The following TFCP2L1 variants were observed in gnomAD, a reference collection of about 807,000 sequenced individuals.
TFCP2L1 encodes the protein transcription factor CP2-like protein 1.
A neutral mutation model predicts 72.2 loss-of-function variants in TFCP2L1; 12 were observed. The ratio of observed to expected loss-of-function variants is 0.17; its 90% CI spans 0.11 to 0.27. The LOEUF (loss-of-function observed/expected upper bound fraction) is 0.27. Among genes scored for constraint, TFCP2L1 ranks in the 10% least tolerant of loss-of-function variants. The pLI is 1.00. For synonymous variants in TFCP2L1, 260 were observed against 251.0 expected, an observed-to-expected ratio of 1.04 and a Z score of -0.34; for missense variants, 488 against 624.6, an observed-to-expected ratio of 0.78 and a Z score of 2.33.
At chr2:121,248,067 A>T in intron 5 of TFCP2L1, 97 bp downstream of exon 5, 1 of 992,544 alleles carries the variant, frequency 1.0e-6, no homozygotes, top group Non-Finnish European at 1.5e-6. Context: ...GCAGAAGCTC[A>T]TCCAGACCCT....
chr2:121,260,124 C>G (rs1267054387), intron 2 of TFCP2L1, among the ~76,000 whole-genome samples: 1 of 152,136 alleles, frequency 6.6e-6, no homozygotes, highest in African/African-American at 2.4e-5. Context: ...CTGAAGAACC[C>G]ACAGTACACT....
At chr2:121,281,709 G>A (rs995720317) in intron 1 of TFCP2L1, among the ~76,000 whole-genome samples, 4 of 151,892 alleles carry the variant, frequency 2.6e-5, no homozygotes, top group African/African-American at 9.7e-5. Flanking sequence ...TCCATTTACC[G>A]GCCACTTCTC....
intron 2 of TFCP2L1, among the ~76,000 whole-genome samples, chr2:121,267,923 G>A (rs1686965972): frequency 6.6e-6 from 1 of 152,196 alleles, no homozygotes; most frequent in Admixed American, 6.5e-5. Flanking sequence ...GCGCACATCT[G>A]TAATCCCAGC....
intron 14 of TFCP2L1, among the ~76,000 whole-genome samples, chr2:121,225,249 AC>A (rs1558724323): frequency 6.6e-6 from 1 of 151,892 alleles, no homozygotes; most frequent in Admixed American, 6.6e-5. Flanking sequence ...GACCCACGCT[AC>A]CTGCAGACTC....
intron 2 of TFCP2L1, among the ~76,000 whole-genome samples, chr2:121,254,681 G>A (rs925422829): frequency 2.0e-5 from 3 of 152,170 alleles, no homozygotes; most frequent in Non-Finnish European, 2.9e-5. Flanking sequence ...GCTTGTAATC[G>A]CAGCTATTCT....
chr2:121,246,638 G>T (rs1045309393), intron 6 of TFCP2L1, among the ~76,000 whole-genome samples, 180 bp downstream of exon 6: 1 of 152,208 alleles, frequency 6.6e-6, no homozygotes, highest in African/African-American at 2.4e-5. Context: ...GGCAGCAGCA[G>T]CCTGTGGTGC....
intron 7 of TFCP2L1, chr2:121,240,826 G>A: frequency 1.2e-6 from 1 of 836,522 alleles, no homozygotes; most frequent in South Asian, 5.5e-5. Context: ...CCACTCCTTT[G>A]CGGGCCGTGG....
chr2:121,246,132 T>C (rs1686475955), intron 6 of TFCP2L1, among the ~76,000 whole-genome samples: 1 of 152,188 alleles, frequency 6.6e-6, no homozygotes, highest in Non-Finnish European at 1.5e-5. Context: ...GGGGCCTGCT[T>C]GGACATGGAT....
chr2:121,281,993 C>A (rs1415595909), intron 1 of TFCP2L1, among the ~76,000 whole-genome samples: 3 of 151,830 alleles, frequency 2.0e-5, no homozygotes, highest in Non-Finnish European at 2.9e-5. Flanking sequence ...GTGCAAGTGG[C>A]GTGATCTCGG....
intron 2 of TFCP2L1, among the ~76,000 whole-genome samples, chr2:121,274,508 A>T (rs928530452): frequency 6.6e-6 from 1 of 152,340 alleles, no homozygotes; most frequent in African/African-American, 2.4e-5. Context: ...TATATGAAAC[A>T]TAAGTGAATT....
intron 2 of TFCP2L1, among the ~76,000 whole-genome samples, chr2:121,277,917 A>G (rs369442906): frequency 3.3e-5 from 5 of 152,294 alleles, no homozygotes; most frequent in East Asian, 1.9e-4. Flanking sequence ...AAATTATTCA[A>G]ACTTTCTATA....
intron 4 of TFCP2L1, 114 bp from the exon 5 acceptor site, chr2:121,248,384 G>C: frequency 1.2e-6 from 1 of 820,184 alleles, no homozygotes. Flanking sequence ...AATGCCAAAA[G>C]CTCTGAAAAA....
chr2:121,244,750 T>A (rs548591406), intron 6 of TFCP2L1, among the ~76,000 whole-genome samples: 1 of 152,018 alleles, frequency 6.6e-6, no homozygotes, highest in Non-Finnish European at 1.5e-5. Flanking sequence ...TAACATGACA[T>A]CCCTGGTGAG....
rs1166433231 is a variant in TFCP2L1, at chr2:121,222,564, C to T, written c.*1777G>A. The T allele has an allele frequency of 2.0e-5, 3 of 152,168 alleles. No individual in the cohort carries two copies. Among genetic ancestry groups the T allele is most frequent in the Non-Finnish European group, 4.4e-5 (3 of 68,046 alleles). The allele number at this position is 152,168 out of a possible 1,614,324, so 9.4% of individuals were successfully genotyped here. On this transcript the variant is annotated 3_prime_UTR_variant, in exon 15 of 15. Transcript: ENST00000263707. ...GTCACAAAAGAGATATCACATGATT[C>T]CAGATATATGAAATGTCCAGAGTAG...
At chr2:121,229,139 A>G (rs1457102504) in intron 13 of TFCP2L1, among the ~76,000 whole-genome samples, 1 of 151,668 alleles carries the variant, frequency 6.6e-6, no homozygotes, top group Non-Finnish European at 1.5e-5. Context: ...CAGGTCTCGA[A>G]CTCCTGACCT....
intron 6 of TFCP2L1, among the ~76,000 whole-genome samples, chr2:121,244,554 C>T (rs1686443186): frequency 6.6e-6 from 1 of 152,158 alleles, no homozygotes; most frequent in Non-Finnish European, 1.5e-5. Flanking sequence ...ACGCAGCTTC[C>T]AGCCCAACTC....
At chr2:121,281,490 C>G (rs1055957819) in intron 1 of TFCP2L1, among the ~76,000 whole-genome samples, 4 of 152,042 alleles carry the variant, frequency 2.6e-5, no homozygotes, top group African/African-American at 9.7e-5. Context: ...CTCAATGACC[C>G]CCCAAAACAC....
intron 2 of TFCP2L1, among the ~76,000 whole-genome samples, chr2:121,280,470 C>A (rs1202667707): frequency 6.6e-6 from 1 of 152,140 alleles, no homozygotes; most frequent in African/African-American, 2.4e-5. Flanking sequence ...TAAATAATCA[C>A]CATGTGTCCA....
rs1224508691 is a variant in TFCP2L1 at position 121,225,493 on chromosome 2, C to T, written c.1393+69G>A. The T allele has an allele frequency of 6.2e-6, 9 of 1,462,740 alleles. No homozygotes were observed. The African/African-American group carries it at 1.1e-4, about 18-fold the overall frequency. The allele number at this position is 1,462,740 out of a possible 1,614,324, so 90.6% of individuals were successfully genotyped here. On this transcript the variant is annotated intron_variant, in intron 14 of 14. Transcript: ENST00000263707. ...CAGGTCAGCACTCTCTGGAAGGGCCCATCCTGCAGGCAGGCCCCACCCTCT... is the reference window on the plus strand; with the variant it reads ...CAGGTCAGCACTCTCTGGAAGGGCCTATCCTGCAGGCAGGCCCCACCCTCT...
Sources: allele counts gnomAD v4.1 joint callset (sites outside exome capture counted in the v4.1 genomes callset), GRCh38; gene constraint gnomAD v4.1.1; transcripts MANE v1.5; gene names NCBI Gene and HGNC (gene_info 2026-07-23, HGNC 2026-07-21).